The following PTPRD variants were observed in gnomAD, a reference collection of about 807,000 sequenced individuals.
PTPRD encodes the protein protein tyrosine phosphatase receptor type D, also known as receptor-type tyrosine-protein phosphatase delta.
A neutral mutation model predicts 214.5 loss-of-function variants in PTPRD; 34 were observed. That is an observed-to-expected ratio of 0.16 (90% CI 0.12 to 0.21). The LOEUF (loss-of-function observed/expected upper bound fraction) is 0.21. PTPRD is among the 10% of genes least tolerant of loss of function. The pLI, the probability that PTPRD is intolerant of heterozygous loss-of-function variation, is 1.00. For missense variants in PTPRD, 2,545 were observed against 2,398.7 expected (o/e 1.06, Z -1.27); for synonymous variants, 1,128 against 845.7 (o/e 1.33, Z -5.79).
At chr9:9,351,790 G>A (rs994496572) in intron 9 of PTPRD, among the ~76,000 whole-genome samples, 93 of 152,026 alleles carry the variant, frequency 6.1e-4, no homozygotes, top group African/African-American at 2.2e-3. Context: ...TGGTCAGCTG[G>A]GTTCATAATT....
rs528452664 is a variant in PTPRD at position 9,180,543 on chromosome 9, C to T, written c.-143+2761G>A. On this transcript the variant is annotated intron_variant, in intron 10 of 45. Transcript: ENST00000381196. ...AGCACACCAACATGGCACATGTATA[C>T]ATATGTAACAAACCTGCACGTTGTG... Among the ~76,000 whole-genome samples, 5 of 151,804 alleles carry T rather than the reference C, an allele frequency of 3.3e-5. No individual in the cohort carries two copies. The South Asian group carries it at 1.0e-3, about 32-fold the overall frequency.
intron 3 of PTPRD, among the ~76,000 whole-genome samples, chr9:10,126,656 CT>C (rs1215736335): frequency 1.3e-5 from 2 of 152,044 alleles, no homozygotes; most frequent in Admixed American, 1.3e-4. Flanking sequence ...TAGATTCTTT[CT>C]TTTTTCTTTT....
At chr9:9,287,974 A>T (rs1042606716) in intron 9 of PTPRD, among the ~76,000 whole-genome samples, 2 of 151,704 alleles carry the variant, frequency 1.3e-5, no homozygotes, top group African/African-American at 2.4e-5. Context: ...ACACTGAAGC[A>T]AAATGTTTGG....
At chr9:8,600,522 T>A (rs1258430214) in intron 14 of PTPRD, among the ~76,000 whole-genome samples, 1 of 151,258 alleles carries the variant, frequency 6.6e-6, no homozygotes, top group African/African-American at 2.4e-5. Flanking sequence ...TGCTTGAGAA[T>A]AGAAGAGGAA....
At chr9:10,188,965 C>T (rs1018673386) in intron 3 of PTPRD, among the ~76,000 whole-genome samples, 2 of 152,022 alleles carry the variant, frequency 1.3e-5, no homozygotes, top group African/African-American at 4.8e-5. Context: ...TTTGAAGGCT[C>T]AACTGTGGCT....
intron 9 of PTPRD, among the ~76,000 whole-genome samples, chr9:9,249,580 C>T (rs1285738526): frequency 6.6e-6 from 1 of 152,012 alleles, no homozygotes; most frequent in Non-Finnish European, 1.5e-5. Flanking sequence ...TCACTGATTG[C>T]CTGGCTTTGT....
chr9:10,129,543 G>C (rs1412206008), intron 3 of PTPRD, among the ~76,000 whole-genome samples: 1 of 113,800 alleles, frequency 8.8e-6, no homozygotes, highest in African/African-American at 3.3e-5. Context: ...GTCTTTTCTT[G>C]GTTCCTTCTC....
chr9:8,958,871 T>C (rs1387070234), intron 11 of PTPRD: 1 of 151,972 alleles, frequency 6.6e-6, no homozygotes, highest in Non-Finnish European at 1.5e-5. Context: ...AGAACAGCCA[T>C]TGGATCAAAT....
At chr9:10,370,042 T>C (rs989214620) in intron 2 of PTPRD, among the ~76,000 whole-genome samples, 1 of 152,090 alleles carries the variant, frequency 6.6e-6, no homozygotes, top group Non-Finnish European at 1.5e-5. Context: ...TCTACAGATG[T>C]TGAAACTGGG....
intron 9 of PTPRD, among the ~76,000 whole-genome samples, chr9:9,206,939 A>T (rs1054438014): frequency 6.6e-6 from 1 of 152,188 alleles, no homozygotes; most frequent in Admixed American, 6.5e-5. Context: ...CATCTATCCT[A>T]TTAGTTCTGT....
chr9:9,206,159 A>C (rs149861606), intron 9 of PTPRD, among the ~76,000 whole-genome samples: 22 of 152,326 alleles, frequency 1.4e-4, no homozygotes, highest in African/African-American at 5.3e-4. Flanking sequence ...GTTTGCTCAA[A>C]GAACAAGGTG....
At chr9:10,154,254 G>A (rs2099080058) in intron 3 of PTPRD, among the ~76,000 whole-genome samples, 1 of 151,982 alleles carries the variant, frequency 6.6e-6, no homozygotes, top group South Asian at 2.1e-4. Flanking sequence ...ATGGTTGTTG[G>A]CTGCATGTAT....
chr9:10,161,651 G>C (rs755531052), intron 3 of PTPRD, among the ~76,000 whole-genome samples: 1 of 151,734 alleles, frequency 6.6e-6, no homozygotes, highest in Non-Finnish European at 1.5e-5. Context: ...GAATTTTCGT[G>C]TAAGACCACA....
rs527958802 is a variant in PTPRD at position 9,698,541 on chromosome 9, C to G, written c.-287+35992G>C. Among the ~76,000 whole-genome samples the G allele has an allele frequency of 2.0e-5, 3 of 152,136 alleles. 1 individual carries two copies. The East Asian group carries it at 5.8e-4, about 29-fold the overall frequency. ...AGTATGGTCCTGCTGGATGGCTACT[C>G]TAATTTGGCATCTCCTTTGGCTGGG... On this transcript the variant is annotated intron_variant, in intron 7 of 45. Coordinates refer to ENST00000381196, the MANE Select transcript of PTPRD (RefSeq NM_002839.4).
At chr9:9,615,421 C>T (rs951210301) in intron 7 of PTPRD, among the ~76,000 whole-genome samples, 11 of 152,178 alleles carry the variant, frequency 7.2e-5, no homozygotes, top group African/African-American at 2.7e-4. Context: ...AACCAGTAAA[C>T]ATCTCTGCTC....
chr9:10,547,792 A>C (rs977548740), intron 2 of PTPRD, among the ~76,000 whole-genome samples: 7 of 152,118 alleles, frequency 4.6e-5, no homozygotes, highest in Non-Finnish European at 8.8e-5. Flanking sequence ...AGGAAGTAAC[A>C]ATGACAGATT....
At chr9:9,291,308 G>T (rs554702161) in intron 9 of PTPRD, among the ~76,000 whole-genome samples, 1 of 151,350 alleles carries the variant, frequency 6.6e-6, no homozygotes, top group African/African-American at 2.4e-5. Flanking sequence ...CTTATAAGAT[G>T]GTTCTTTTAA....
chr9:9,951,281 G>T (rs1038076533), intron 4 of PTPRD, among the ~76,000 whole-genome samples: 1 of 152,138 alleles, frequency 6.6e-6, no homozygotes, highest in African/African-American at 2.4e-5. Flanking sequence ...AAGCCTAAGG[G>T]CCTCAATGGC....
chr9:8,984,365 C>A (rs1002769794), intron 11 of PTPRD, among the ~76,000 whole-genome samples: 2 of 151,924 alleles, frequency 1.3e-5, no homozygotes, highest in Non-Finnish European at 2.9e-5. Flanking sequence ...TAAATAAGTA[C>A]GATGAATCTT....
Sources: allele counts gnomAD v4.1 joint callset (sites outside exome capture counted in the v4.1 genomes callset), GRCh38; gene constraint gnomAD v4.1.1; transcripts MANE v1.5; gene names NCBI Gene and HGNC (gene_info 2026-07-23, HGNC 2026-07-21).